Variants in TMEM39A observed in about 807,000 individuals in gnomAD.
TMEM39A encodes the protein suppressor of SQST-1 aggregates in rpl-43 mutants.
TMEM39A carries 19 observed loss-of-function variants against 51.9 expected under a neutral mutation model. The ratio of observed to expected loss-of-function variants is 0.37; its 90% confidence interval spans 0.26 to 0.54. The LOEUF (loss-of-function observed/expected upper bound fraction) is 0.54. Ranked by LOEUF, TMEM39A falls within the 20% of genes least tolerant of loss-of-function variation. The probability of loss-of-function intolerance (pLI) is 0.88; values close to 1 mark genes in which losing one functional copy is unlikely to be tolerated. For missense variants in TMEM39A, 433 were observed against 590.5 expected, an observed-to-expected ratio of 0.73 and a Z score of 2.76; for synonymous variants, 197 against 220.2, an observed-to-expected ratio of 0.89 and a Z score of 0.93.
chr3:119,451,292 G>GA, intron 4 of TMEM39A: 1 of 1,288,562 alleles, frequency 7.8e-7, no homozygotes. Flanking sequence ...TAGGGTTCCT[G>GA]AAAATCAGAG....
chr3:119,431,653 G>C lies in TMEM39A; in HGVS notation c.*328C>G, dbSNP rs116715785. On this transcript the variant is annotated 3_prime_UTR_variant, in exon 9 of 9. Transcript: ENST00000319172. The stretch of plus-strand genomic sequence containing the variant: ...GGGCTAAAGATAATGAGGATTGAAA[G>C]AAAAGCAGACATACCAAAGGTACTG... The C allele has an allele frequency of 0.019, 3,215 of 168,858 alleles. 103 individuals are homozygous for C. Among genetic ancestry groups the C allele is most frequent in the African/African-American group, 0.072 (3,009 of 41,920 alleles). The allele number at this position is 168,858 out of a possible 1,614,324, so 10.5% of individuals were successfully genotyped here. A position where few individuals can be genotyped will look rare whatever the true frequency, so the allele number is the denominator to read the frequency against.
chr3:119,454,897 C>T (rs2081245416), intron 3 of TMEM39A, among the ~76,000 whole-genome samples: 1 of 152,116 alleles, frequency 6.6e-6, no homozygotes. Context: ...CTCTTTGTAA[C>T]CCAGAATATT....
rs2080947412 is a variant in TMEM39A, at chr3:119,434,837, G to A, written c.1158C>T (p.His386=). 2 of 1,613,636 alleles carry A rather than the reference G, an allele frequency of 1.2e-6. No homozygotes were observed. Among genetic ancestry groups the A allele is most frequent in the Non-Finnish European group, 1.7e-6 (2 of 1,179,702 alleles). The part of the protein sequence containing the change: ...TIWPQGVLVR[H]SRCLYRAMGP... Reference sequence around the variant, plus strand: ...CCATGGCTCTATATAAACATCTGCTGTGCCGCACCAGCACCCCTTGAGGCC... The same window carrying A: ...CCATGGCTCTATATAAACATCTGCTATGCCGCACCAGCACCCCTTGAGGCC... The change falls in exon 8 of 9, where the codon CAC becomes CAT. Residue 386 remains histidine (H), a synonymous_variant. Coordinates refer to ENST00000319172, the MANE Select transcript of TMEM39A (RefSeq NM_018266.3).
intron 1 of TMEM39A, among the ~76,000 whole-genome samples, chr3:119,462,893 G>GA (rs34748121): frequency 0.67 from 95,222 of 142,256 alleles, 32,331 homozygotes; most frequent in African/African-American, 0.84. Flanking sequence ...ATCCTCACTG[G>GA]AAAAAAAAAA....
At chr3:119,458,593 GT>G (rs891935710) in intron 2 of TMEM39A, among the ~76,000 whole-genome samples, 1 of 152,074 alleles carries the variant, frequency 6.6e-6, no homozygotes, top group Admixed American at 6.6e-5. Flanking sequence ...AAACCTGGGA[GT>G]CATATTAAAA....
In TMEM39A at chr3:119,452,893, T is replaced by C. The variant is rs936490165; in HGVS notation, c.337-363A>G. ...TATTTATAATGTGTCAAACTATCAG[T>C]TGGGATTCAGTCTTCAGAAGTTACT... On this transcript the variant is annotated intron_variant, in intron 3 of 8. Coordinates refer to ENST00000319172, the MANE Select transcript of TMEM39A (RefSeq NM_018266.3). Among the ~76,000 whole-genome samples the C allele has an allele frequency of 2.6e-4, 40 of 152,200 alleles. 2 individuals carry two copies. Among genetic ancestry groups the C allele is most frequent in the Admixed American group, 1.3e-4 (2 of 15,282 alleles).
In TMEM39A at chr3:119,462,069, G is replaced by A. The variant is rs144971195; in HGVS notation, c.6C>T (p.Pro2=). 4.9e-5 allele frequency: 79 copies of A among 1,613,598 alleles called. No homozygotes were observed. The highest frequency in any genetic ancestry group is 2.7e-4 in the Admixed American group (16 of 59,952). Residue 2 remains proline, a synonymous_variant, in exon 2 of 9, where the codon CCC becomes CCT. Transcript: ENST00000319172. ...GCCGACTAGGGCCCCTCCTTCCACC[G>A]GGCATGTCCAGGAACCAGTCTGCTT... M[P]GGRRGPSRQQ... is the part of the protein sequence containing the mutation.
At chr3:119,442,108 A>C (rs2107668509) in intron 5 of TMEM39A, among the ~76,000 whole-genome samples, 1 of 152,334 alleles carries the variant, frequency 6.6e-6, no homozygotes, top group African/African-American at 2.4e-5. Context: ...TGGGAGGCTG[A>C]GGCAGGCGGA....
intron 4 of TMEM39A, among the ~76,000 whole-genome samples, chr3:119,451,788 C>T (rs895997737): frequency 2.3e-4 from 31 of 137,340 alleles, no homozygotes; most frequent in African/African-American, 6.7e-4. Context: ...CGAGATCATG[C>T]CACTGCACTC....
rs146144927 is a variant in TMEM39A at position 119,430,933 on chromosome 3, A to G, written c.*1048T>C. The G allele has an allele frequency of 1.2e-4, 19 of 152,328 alleles. No homozygotes were observed. Among genetic ancestry groups the G allele is most frequent in the African/African-American group, 4.3e-4 (18 of 41,578 alleles). 9.4% of individuals were successfully genotyped at this position (152,328 alleles called of 1,614,324 possible). A position where few individuals can be genotyped will look rare whatever the true frequency, so the allele number is the denominator to read the frequency against. Reference sequence around the variant, plus strand: ...GTTTAGATGACAAGTGACAACATCAATGGACTAAGTATATCACCTCCCATA... The same window carrying G: ...GTTTAGATGACAAGTGACAACATCAGTGGACTAAGTATATCACCTCCCATA... On this transcript the variant is annotated 3_prime_UTR_variant, in exon 9 of 9. Coordinates refer to ENST00000319172, the MANE Select transcript of TMEM39A (RefSeq NM_018266.3).
intron 4 of TMEM39A, among the ~76,000 whole-genome samples, chr3:119,449,971 T>C (rs2107679145): frequency 6.6e-6 from 1 of 152,276 alleles, no homozygotes; most frequent in Admixed American, 6.5e-5. Flanking sequence ...ATTATTGATC[T>C]TTCTCAGGGT....
intron 8 of TMEM39A, among the ~76,000 whole-genome samples, chr3:119,432,913 T>C (rs981158492): frequency 6.6e-6 from 1 of 152,082 alleles, no homozygotes; most frequent in African/African-American, 2.4e-5. Context: ...GAGTCAGAAT[T>C]AGACTAAAAA....
At position 119,451,091 on chromosome 3, in the gene TMEM39A, A is replaced by G. The variant is rs944006609; in HGVS notation, c.420+1356T>C. On this transcript the variant is annotated intron_variant, in intron 4 of 8. Coordinates refer to ENST00000319172, the MANE Select transcript of TMEM39A (RefSeq NM_018266.3). ...TTCCACTGAGATCCTCTAAAGAAAGAACATGCTTTCACAATATAACAAAAA... is the reference window on the plus strand; with the variant it reads ...TTCCACTGAGATCCTCTAAAGAAAGGACATGCTTTCACAATATAACAAAAA... 32 of 329,148 alleles carry G rather than the reference A, an allele frequency of 9.7e-5. No homozygotes were observed. In the South Asian group the frequency reaches 1.2e-3, roughly 13 times the overall value. The allele number at this position is 329,148 out of a possible 1,614,324, so 20.4% of individuals were successfully genotyped here. A position where few individuals can be genotyped will look rare whatever the true frequency, so the allele number is the denominator to read the frequency against.
intron 7 of TMEM39A, chr3:119,435,151 G>C (rs1277510208): frequency 5.1e-6 from 5 of 985,310 alleles, no homozygotes; most frequent in African/African-American, 3.5e-5. Flanking sequence ...AGAATGAGCA[G>C]ACATAAATGT....
At chr3:119,462,722 T>C (rs1447471954) in intron 1 of TMEM39A, among the ~76,000 whole-genome samples, 4 of 149,690 alleles carry the variant, frequency 2.7e-5, no homozygotes, top group South Asian at 2.1e-4. Context: ...AGTAGTTCTT[T>C]TAACAGTTTA....
Position 119,432,048 on chromosome 3 carries a change from C to T in TMEM39A, c.1400G>A (p.Arg467Gln), listed in dbSNP as rs774989616. The T allele has an allele frequency of 2.5e-6, 4 of 1,612,916 alleles. No individual in the cohort carries two copies. Among genetic ancestry groups the T allele is most frequent in the Admixed American group, 1.7e-5 (1 of 59,854 alleles). ...CNYYVLFKLL[R>Q]DRIVLGRAYS... ...TGCCCTGCCTAATACTATTCTGTCC[C>T]GGAGAAGTTTAAATAAAACATAGTA... Residue 467 changes from arginine (R) to glutamine (Q), a missense_variant, in exon 9 of 9, where the codon CGG becomes CAG. By Grantham distance (43) the Arg-to-Gln change is conservative. Around this residue, in one of 3 missense-constraint regions of TMEM39A, gnomAD observed 223 missense variants for 328.1 expected, o/e 0.68. Coordinates refer to ENST00000319172, the MANE Select transcript of TMEM39A (RefSeq NM_018266.3).
At chr3:119,442,125 G>A (rs191049420) in intron 5 of TMEM39A, among the ~76,000 whole-genome samples, 2,553 of 152,282 alleles carry the variant, frequency 0.017, 72 homozygotes, top group African/African-American at 0.059. Context: ...CGGAGCACCT[G>A]AGGTCAGGAG....
rs991467060 is a variant in TMEM39A, at chr3:119,429,000, T to A, written c.*2981A>T. Among the ~76,000 whole-genome samples, 1 of 152,158 alleles carries A rather than the reference T, an allele frequency of 6.6e-6. No individual in the cohort carries two copies. Among genetic ancestry groups the A allele is most frequent in the African/African-American group, 2.4e-5 (1 of 41,450 alleles). On this transcript the variant is annotated 3_prime_UTR_variant, in exon 9 of 9. Coordinates refer to ENST00000319172, the MANE Select transcript of TMEM39A (RefSeq NM_018266.3). ...ACTTTATTGGGCTTCACACTCAAGA[T>A]TGTTAATAGATCTGATATCTATTAC...
chr3:119,452,647 C>T (rs1372732101), intron 3 of TMEM39A, 117 bp from the exon 4 acceptor site: 1 of 708,600 alleles, frequency 1.4e-6, no homozygotes, highest in Non-Finnish European at 2.4e-6. Context: ...CACACCCTTA[C>T]AGATTATGGG....
Sources: gnomAD v4.1 joint callset for allele counts (sites outside exome capture counted in the v4.1 genomes callset) on GRCh38, gnomAD v4.1.1 for gene constraint, gnomAD v4.1.1 regional missense constraint, MANE v1.5 for transcripts, NCBI Gene and HGNC (gene_info 2026-07-23, HGNC 2026-07-21) for gene names.